The following VPS54 variants were observed in gnomAD, a reference collection of about 807,000 sequenced individuals.
VPS54 encodes vacuolar protein sorting-associated protein 54.
A neutral mutation model predicts 121.5 loss-of-function variants in VPS54; 45 were observed. The observed-to-expected ratio is 0.37, with a 90% CI of 0.29 to 0.47. VPS54 has a LOEUF of 0.47. Ranked by LOEUF, VPS54 falls within the 20% of genes least tolerant of loss-of-function variation. The pLI is 0.99. For missense variants in VPS54, 1,090 were observed against 1,131.4 expected (o/e 0.96, Z 0.52); for synonymous variants, 371 against 385.8 (o/e 0.96, Z 0.45).
intron 11 of VPS54, among the ~76,000 whole-genome samples, chr2:63,934,479 C>G (rs541777522): frequency 6.6e-6 from 1 of 152,232 alleles, no homozygotes; most frequent in East Asian, 1.9e-4. Context: ...TCTTTCTACT[C>G]TTCCCTCATT....
intron 3 of VPS54, among the ~76,000 whole-genome samples, chr2:63,975,808 T>C (rs745681178): frequency 1.3e-5 from 2 of 152,226 alleles, no homozygotes; most frequent in Non-Finnish European, 2.9e-5. Context: ...TCTATTGAAA[T>C]TCCCCTGTCT....
intron 12 of VPS54, among the ~76,000 whole-genome samples, chr2:63,923,249 G>C (rs989558687): frequency 4.0e-5 from 6 of 151,786 alleles, no homozygotes; most frequent in Non-Finnish European, 8.8e-5. Flanking sequence ...CCGGTAGGCA[G>C]AGCTTGCAGT....
At chr2:63,935,051 A>AATTAGTAC (rs1446112772) in intron 11 of VPS54, among the ~76,000 whole-genome samples, 1 of 152,182 alleles carries the variant, frequency 6.6e-6, no homozygotes, top group Non-Finnish European at 1.5e-5. Context: ...AAGCTAGTCC[A>AATTAGTAC]ATTAGTACAT....
At chr2:63,951,424 T>C (rs1326725597) in intron 7 of VPS54, among the ~76,000 whole-genome samples, 2 of 152,118 alleles carry the variant, frequency 1.3e-5, no homozygotes, top group Non-Finnish European at 2.9e-5. Flanking sequence ...GCAAAAACTA[T>C]AAGAGATCAC....
At chr2:64,013,379 A>C (rs548428511) in intron 1 of VPS54, among the ~76,000 whole-genome samples, 4 of 152,178 alleles carry the variant, frequency 2.6e-5, no homozygotes, top group African/African-American at 9.6e-5. Context: ...AGGCGGTAGG[A>C]CTAGTCCAGA....
At chr2:63,919,224 T>C (rs1456230160) in intron 15 of VPS54, among the ~76,000 whole-genome samples, 3 of 152,196 alleles carry the variant, frequency 2.0e-5, no homozygotes, top group East Asian at 3.9e-4. Context: ...ATCATTTTAC[T>C]TCTATGTTCT....
At chr2:63,983,202 G>A (rs931801635) in intron 2 of VPS54, among the ~76,000 whole-genome samples, 3 of 150,372 alleles carry the variant, frequency 2.0e-5, no homozygotes, top group Non-Finnish European at 2.9e-5. Flanking sequence ...CCAGGCTGGA[G>A]TGCACTGCAA....
intron 1 of VPS54, among the ~76,000 whole-genome samples, chr2:64,004,343 T>C (rs551194250): frequency 5.4e-4 from 82 of 152,250 alleles, no homozygotes; most frequent in African/African-American, 1.9e-3. Context: ...GCTAAGGCCA[T>C]TAGGTGAAAA....
chr2:63,979,699 A>T (rs1484094512), intron 3 of VPS54, among the ~76,000 whole-genome samples: 4 of 152,204 alleles, frequency 2.6e-5, no homozygotes, highest in Non-Finnish European at 4.4e-5. Context: ...CATTCAGTTC[A>T]AACTACTTTC....
intron 7 of VPS54, among the ~76,000 whole-genome samples, chr2:63,960,396 C>T (rs1233090514): frequency 2.0e-5 from 3 of 152,064 alleles, no homozygotes; most frequent in Non-Finnish European, 4.4e-5. Flanking sequence ...TTCTGTAACC[C>T]AATAAATCAT....
intron 21 of VPS54, among the ~76,000 whole-genome samples, chr2:63,898,866 G>A (rs1672552390): frequency 1.3e-5 from 2 of 152,206 alleles, no homozygotes; most frequent in South Asian, 4.2e-4. Context: ...GTAGCGGGTA[G>A]AGCTGTTACT....
At chr2:63,976,282 T>C (rs571139298) in intron 3 of VPS54, among the ~76,000 whole-genome samples, 1 of 150,422 alleles carries the variant, frequency 6.6e-6, no homozygotes, top group East Asian at 1.9e-4. Context: ...AGCCGGGAGG[T>C]TGAGGCTGCA....
At chr2:63,934,392 T>G (rs1674357659) in intron 11 of VPS54, among the ~76,000 whole-genome samples, 1 of 152,214 alleles carries the variant, frequency 6.6e-6, no homozygotes. Context: ...TTACTTACCA[T>G]GCCTAGCCCC....
intron 10 of VPS54, among the ~76,000 whole-genome samples, chr2:63,943,143 A>G (rs550318647): frequency 1.2e-4 from 18 of 152,372 alleles, no homozygotes; most frequent in African/African-American, 4.1e-4. Context: ...ACTTAGAACA[A>G]TTCATGACAC....
intron 3 of VPS54, among the ~76,000 whole-genome samples, chr2:63,973,801 T>A (rs2104591612): frequency 6.6e-6 from 1 of 152,274 alleles, no homozygotes; most frequent in South Asian, 2.1e-4. Context: ...CACCTCCACC[T>A]CCCAAAGTGC....
At chr2:64,005,393 G>A (rs189084184) in intron 1 of VPS54, among the ~76,000 whole-genome samples, 22 of 151,948 alleles carry the variant, frequency 1.4e-4, no homozygotes, top group African/African-American at 3.9e-4. Flanking sequence ...GTGAGCCACC[G>A]CGCCCAGCCT....
chr2:63,946,428 A>G (rs1289165553), intron 9 of VPS54, among the ~76,000 whole-genome samples: 1 of 152,144 alleles, frequency 6.6e-6, no homozygotes, highest in Non-Finnish European at 1.5e-5. Flanking sequence ...CACAACATGT[A>G]TGCAAATTTG....
At position 63,983,985 on chromosome 2, in the gene VPS54, G is replaced by A; in HGVS notation, c.15C>T (p.His5=). MASS[H]SSSPVPQGSS... Reference sequence around the variant, plus strand: ...TTCCTTGAGGCACTGGTGAAGAACTGTGGCTTGAAGCCATTGCATAAAATC... The same window carrying A: ...TTCCTTGAGGCACTGGTGAAGAACTATGGCTTGAAGCCATTGCATAAAATC... The change falls in exon 2 of 23, where the codon CAC becomes CAT. Residue 5 remains histidine (H), a synonymous_variant. Transcript: ENST00000272322. The A allele has an allele frequency of 5.6e-6, 9 of 1,609,778 alleles. No homozygotes were observed. Among genetic ancestry groups the A allele is most frequent in the African/African-American group, 1.3e-5 (1 of 74,948 alleles).
At chr2:63,932,437 C>G (rs1350071491) in intron 12 of VPS54, among the ~76,000 whole-genome samples, 1 of 152,102 alleles carries the variant, frequency 6.6e-6, no homozygotes, top group African/African-American at 2.4e-5. Context: ...TGTTCTCACT[C>G]ATAAGTGGGA....
Sources: gnomAD v4.1 joint callset for allele counts (sites outside exome capture counted in the v4.1 genomes callset) on GRCh38, gnomAD v4.1.1 for gene constraint, MANE v1.5 for transcripts, NCBI Gene and HGNC (gene_info 2026-07-23, HGNC 2026-07-21) for gene names.